The following ZNF208 variants were observed in gnomAD, a reference collection of about 807,000 sequenced individuals.
ZNF208 encodes zinc finger protein 95.
ZNF208 carries 10 observed loss-of-function variants against 12.1 expected under a neutral mutation model. The observed-to-expected ratio is 0.83, with a 90% CI of 0.51 to 1.40. The LOEUF (loss-of-function observed/expected upper bound fraction) is 1.40, where lower values mean the gene tolerates loss of function less well. Among genes scored for constraint, ZNF208 ranks in the 40% most tolerant of loss-of-function variants. The pLI, the probability that ZNF208 is intolerant of heterozygous loss-of-function variation, is 0.00. For synonymous variants in ZNF208, 497 were observed against 488.4 expected (o/e 1.02, Z -0.23); for missense variants, 1,652 against 1,485.0 (o/e 1.11, Z -1.85).
chr19:21,971,462 T>A lies in ZNF208; in HGVS notation c.3572A>T (p.His1191Leu), dbSNP rs1223295340. ...ACATTTGTAGAGTTTCTCTCCAGTA[T>A]GAATTACCTTATGTTTTGCAAGGAT... ...FSILAKHKVI[H>L]TGEKLYKCEE... The change falls in exon 4 of 4, where the codon CAT (histidine) becomes CTT (leucine). Residue 1191 changes from histidine to leucine, a missense_variant. His to Leu is a moderately conservative substitution (Grantham distance 99, BLOSUM62 -3). Coordinates refer to ENST00000397126, the MANE Select transcript of ZNF208 (RefSeq NM_007153.3). 2 of 1,611,294 alleles carry A rather than the reference T, an allele frequency of 1.2e-6. No homozygotes were observed. The highest frequency in any genetic ancestry group is 1.7e-5 in the Admixed American group (1 of 59,856).
At position 21,967,478 on chromosome 19, in the gene ZNF208, C is replaced by G. The variant is rs1970193757; in HGVS notation, c.*3713G>C. On this transcript the variant is annotated 3_prime_UTR_variant, in exon 4 of 4. Coordinates refer to ENST00000397126, the MANE Select transcript of ZNF208 (RefSeq NM_007153.3). ...TTGGCTCACTGCAACCTCCACCTCC[C>G]AGGCTCAAATGGTTCTCTTTCCTCA... 1 of 152,146 alleles carries G rather than the reference C, an allele frequency of 6.6e-6. No homozygotes were observed. The highest frequency in any genetic ancestry group is 2.4e-5 in the African/African-American group (1 of 41,422). 9.4% of individuals were successfully genotyped at this position (152,146 alleles called of 1,614,324 possible). A position where few individuals can be genotyped will look rare whatever the true frequency, so the allele number is the denominator to read the frequency against.
At position 21,972,966 on chromosome 19, in the gene ZNF208, C is replaced by T; in HGVS notation, c.2068G>A (p.Glu690Lys). The T allele has an allele frequency of 6.2e-7, 1 of 1,613,736 alleles. No individual in the cohort carries two copies. The highest frequency in any genetic ancestry group is 1.1e-5 in the South Asian group (1 of 91,060). The change falls in exon 4 of 4, where the codon GAG (glutamate) becomes AAG (lysine). Residue 690 changes from glutamate (E) to lysine (K), a missense_variant. Coordinates refer to ENST00000397126, the MANE Select transcript of ZNF208 (RefSeq NM_007153.3). ...LTKHKVIHTG[E>K]KPYKCEECGK... The stretch of plus-strand genomic sequence containing the variant: ...CATTCTTCACATTTGTAGGGTTTCT[C>T]TCCAGTATGAATTACCTTATGTTTA...
At chr19:21,947,651 AATTTTTACAC>A (rs1426975136) in intron 4 of ZNF208, among the ~76,000 whole-genome samples, 2 of 152,186 alleles carry the variant, frequency 1.3e-5, no homozygotes, top group Non-Finnish European at 2.9e-5. Context: ...ACAAATCTTC[AATTTTTACAC>A]ATTTTTAAGG....
chr19:21,963,550 G>T (rs1284457660), downstream of ZNF208, among the ~76,000 whole-genome samples: 1 of 151,982 alleles, frequency 6.6e-6, no homozygotes, highest in Non-Finnish European at 1.5e-5. Flanking sequence ...GGTGCTGAGT[G>T]GAGGTGCAAC....
intron 4 of ZNF208, among the ~76,000 whole-genome samples, chr19:21,957,853 A>T (rs1970000688): frequency 6.6e-6 from 1 of 151,592 alleles, no homozygotes; most frequent in Admixed American, 6.6e-5. Context: ...TTATTATTAT[A>T]CTTTAAGTTT....
intron 4 of ZNF208, among the ~76,000 whole-genome samples, chr19:21,952,950 T>C (rs1312914461): frequency 3.3e-5 from 5 of 152,004 alleles, no homozygotes; most frequent in African/African-American, 1.2e-4. Flanking sequence ...CTAACTAGAA[T>C]AAACAGTGAA....
chr19:21,942,184 C>T (rs1168136989), intron 4 of ZNF208, among the ~76,000 whole-genome samples: 1 of 152,016 alleles, frequency 6.6e-6, no homozygotes, highest in Non-Finnish European at 1.5e-5. Flanking sequence ...AGTTTTTAGA[C>T]AATAGACTTA....
chr19:22,009,746 C>CCA (rs1555750281), intron 1 of ZNF208, among the ~76,000 whole-genome samples: 10 of 108,190 alleles, frequency 9.2e-5, no homozygotes, highest in African/African-American at 3.7e-4. Flanking sequence ...GACTTGGTCT[C>CCA]AAAAAAAAAA....
At chr19:21,946,089 A>AG in intron 4 of ZNF208, among the ~76,000 whole-genome samples, 1 of 152,350 alleles carries the variant, frequency 6.6e-6, no homozygotes, top group South Asian at 2.1e-4. Context: ...TTGCATAGTC[A>AG]GTGGGCTCCC....
chr19:21,960,554 C>T (rs1490530164), intron 4 of ZNF208, among the ~76,000 whole-genome samples: 2 of 152,128 alleles, frequency 1.3e-5, no homozygotes, highest in African/African-American at 2.4e-5. Flanking sequence ...GGGCTCAGCA[C>T]TCTGTGTCTT....
intron 1 of ZNF208, among the ~76,000 whole-genome samples, chr19:21,989,621 T>A (rs950822181): frequency 6.6e-6 from 1 of 152,102 alleles, no homozygotes; most frequent in Non-Finnish European, 1.5e-5. Context: ...CTGGGTCAAA[T>A]GTTATTTCTA....
rs578017583 is a variant in ZNF208, at chr19:21,984,885, T to C, written c.226+2331A>G. On this transcript the variant is annotated intron_variant, in intron 3 of 3. Coordinates refer to ENST00000397126, the MANE Select transcript of ZNF208 (RefSeq NM_007153.3). The stretch of plus-strand genomic sequence containing the variant: ...GAATTAAAACAATCTGGTATAAGGA[T>C]GAAAAATCAGACTAAAGAAATAGAA... Among the ~76,000 whole-genome samples, 10 of 152,260 alleles carry C rather than the reference T, an allele frequency of 6.6e-5. No individual in the cohort carries two copies. The South Asian group carries it at 2.1e-3, about 32-fold the overall frequency.
downstream of ZNF208, among the ~76,000 whole-genome samples, chr19:21,963,928 A>C (rs1970118971): frequency 6.6e-6 from 1 of 152,110 alleles, no homozygotes; most frequent in South Asian, 2.1e-4. Context: ...GACCTATTGC[A>C]CAGCAGGGTA....
chr19:21,952,786 C>T (rs1420579697), intron 4 of ZNF208, among the ~76,000 whole-genome samples: 1 of 152,142 alleles, frequency 6.6e-6, no homozygotes, highest in Admixed American at 6.5e-5. Flanking sequence ...CAGCTCCTCA[C>T]CAGCAATGGA....
intron 4 of ZNF208, among the ~76,000 whole-genome samples, chr19:21,956,911 T>A (rs1006440029): frequency 3.9e-5 from 6 of 152,216 alleles, no homozygotes; most frequent in Non-Finnish European, 8.8e-5. Flanking sequence ...ATCATCTGTG[T>A]CACTCACACT....
intron 3 of ZNF208, among the ~76,000 whole-genome samples, chr19:21,978,117 C>T (rs200454496): frequency 6.6e-6 from 1 of 152,176 alleles, no homozygotes; most frequent in Admixed American, 6.5e-5. Context: ...GGACAGAGCA[C>T]CTTGGGGAAG....
intron 3 of ZNF208, among the ~76,000 whole-genome samples, chr19:21,975,602 T>G (rs149561767): frequency 6.6e-6 from 1 of 151,882 alleles, no homozygotes; most frequent in Non-Finnish European, 1.5e-5. Flanking sequence ...CTATACAATA[T>G]AGGGCAATAT....
chr19:21,946,428 C>A (rs116020621), intron 4 of ZNF208, among the ~76,000 whole-genome samples: 75 of 152,338 alleles, frequency 4.9e-4, no homozygotes, highest in African/African-American at 1.8e-3. Context: ...AACCCTGGAT[C>A]ACAGCCTTAT....
intron 1 of ZNF208, among the ~76,000 whole-genome samples, chr19:21,994,954 CT>C (rs71178799): frequency 6.2e-4 from 89 of 144,686 alleles, no homozygotes; most frequent in African/African-American, 9.3e-4. Context: ...TTTTTCTTTT[CT>C]TTTTTTTTTT....
Sources: allele counts gnomAD v4.1 joint callset (sites outside exome capture counted in the v4.1 genomes callset), GRCh38; gene constraint gnomAD v4.1.1; transcripts MANE v1.5; gene names NCBI Gene and HGNC (gene_info 2026-07-23, HGNC 2026-07-21).